PCDHA2: variants seen among roughly 807,000 people sequenced by gnomAD.
PCDHA2 encodes the protein protocadherin alpha 2.
PCDHA2 carries 58 observed loss-of-function variants against 66.0 expected under a neutral mutation model. That is an observed-to-expected ratio of 0.88 (90% confidence interval 0.71 to 1.09). PCDHA2 has a LOEUF of 1.09. Ranked by LOEUF, PCDHA2 falls within the 50% of genes least tolerant of loss-of-function variation. The pLI is 0.00. For synonymous variants in PCDHA2, 634 were observed against 554.0 expected, an observed-to-expected ratio of 1.14 and a Z score of -2.03; for missense variants, 1,267 against 1,242.3, an observed-to-expected ratio of 1.02 and a Z score of -0.30.
rs1554120167 is a variant in PCDHA2, at chr5:140,796,862, C to T, written c.1898C>T (p.Thr633Met). 2 of 1,614,078 alleles carry T rather than the reference C, an allele frequency of 1.2e-6. No homozygotes were observed. The highest frequency in any genetic ancestry group is 2.2e-5 in the South Asian group (2 of 91,082). The change falls in exon 1 of 4, where the codon ACG becomes ATG. Residue 633 changes from threonine to methionine, a missense_variant. Thr to Met is a moderately conservative substitution (Grantham distance 81). Transcript: ENST00000526136. Reference protein sequence around the residue: ...RVGLYTGEISTTRALDEADSP... With the variant: ...RVGLYTGEISMTRALDEADSP... ...GGGCTATACACGGGTGAGATCAGCACGACACGTGCCCTAGACGAGGCTGAC... is the reference window on the plus strand; with the variant it reads ...GGGCTATACACGGGTGAGATCAGCATGACACGTGCCCTAGACGAGGCTGAC...
rs2150350552 is a variant in PCDHA2 at position 140,843,029 on chromosome 5, G to A, written c.2388+45677G>A. ...CGCGCCGGCACTGCTGGAGCCTCGG[G>A]TGGGTGGCACTGGTGGCGCAGCGAG... On this transcript the variant is annotated intron_variant, in intron 1 of 3. Coordinates refer to ENST00000526136, the MANE Select transcript of PCDHA2 (RefSeq NM_018905.3). 4.4e-6 allele frequency: 7 copies of A among 1,595,258 alleles called. 1 individual carries two copies. Among genetic ancestry groups the A allele is most frequent in the Middle Eastern group, 1.7e-4 (1 of 5,902 alleles).
At chr5:140,863,093 C>T (rs1204907629) in intron 1 of PCDHA2, 2 of 576,488 alleles carry the variant, frequency 3.5e-6, no homozygotes, top group Middle Eastern at 2.9e-4. Flanking sequence ...ATCAGCACGA[C>T]GAGTACCCTG....
chr5:141,009,880 C>T lies in PCDHA2; in HGVS notation c.2790C>T (p.Asn930=). ...AAAAGAAGAAAAAGAAGAAGGGTAACAAGACCCAGGAGAAAAAAGAGAAAG... is the reference window on the plus strand; with the variant it reads ...AAAAGAAGAAAAAGAAGAAGGGTAATAAGACCCAGGAGAAAAAAGAGAAAG... The part of the protein sequence containing the change: ...TKKKKKKKKG[N]KTQEKKEKGN... Residue 930 remains asparagine, a synonymous_variant, in exon 4 of 4, where the codon AAC becomes AAT. Transcript: ENST00000526136. 1 of 1,613,788 alleles carries T rather than the reference C, an allele frequency of 6.2e-7. No individual in the cohort carries two copies. The highest frequency in any genetic ancestry group is 8.5e-7 in the Non-Finnish European group (1 of 1,179,974).
At chr5:140,925,641 T>TATAATA (rs10569930) in intron 1 of PCDHA2, among the ~76,000 whole-genome samples, 37,208 of 143,074 alleles carry the variant, frequency 0.26, 4,933 homozygotes, top group Middle Eastern at 0.29. Context: ...GAACTTAAAG[T>TATAATA]ATAATAATAA....
intron 1 of PCDHA2, chr5:140,858,119 C>T (rs1444406371): frequency 4.4e-6 from 7 of 1,597,808 alleles, no homozygotes; most frequent in South Asian, 1.1e-5. Flanking sequence ...CGAGGTGGCC[C>T]TGGTGGATGT....
At chr5:140,871,254 T>A in intron 1 of PCDHA2, 1 of 1,613,952 alleles carries the variant, frequency 6.2e-7, no homozygotes, top group Non-Finnish European at 8.5e-7. Context: ...TGCTGCTGTA[T>A]ACGGCGCTGT....
At chr5:140,971,366 G>A (rs1554233245) in intron 1 of PCDHA2, among the ~76,000 whole-genome samples, 1 of 152,186 alleles carries the variant, frequency 6.6e-6, no homozygotes, top group Non-Finnish European at 1.5e-5. Flanking sequence ...TTTGCCAGGA[G>A]AGTGCATGAC....
chr5:140,884,308 G>T, intron 1 of PCDHA2: 1 of 1,613,766 alleles, frequency 6.2e-7, no homozygotes. Flanking sequence ...AGGCTTCGTC[G>T]AGGGCGTCGG....
chr5:140,925,033 C>G (rs1176042899), intron 1 of PCDHA2, among the ~76,000 whole-genome samples: 1 of 151,334 alleles, frequency 6.6e-6, no homozygotes, highest in Non-Finnish European at 1.5e-5. Flanking sequence ...ATCGCTTGAG[C>G]CCAGAAGTTT....
At chr5:140,903,313 C>G (rs974760383) in intron 1 of PCDHA2, among the ~76,000 whole-genome samples, 2 of 152,088 alleles carry the variant, frequency 1.3e-5, no homozygotes, top group South Asian at 4.1e-4. Context: ...ACAATAAAGA[C>G]AGCATTTTTA....
chr5:141,010,282 A>C lies in PCDHA2; in HGVS notation c.*345A>C, dbSNP rs375556483. The C allele has an allele frequency of 6.4e-7, 1 of 1,551,130 alleles. No homozygotes were observed. Among genetic ancestry groups the C allele is most frequent in the Admixed American group, 2.0e-5 (1 of 50,878 alleles). On this transcript the variant is annotated 3_prime_UTR_variant, in exon 4 of 4. Transcript: ENST00000526136. ...GTGCTCCGGGGATCCTGTCTTGATGACACTTGCAGGGCAGGCTGAAAAGTT... is the reference window on the plus strand; with the variant it reads ...GTGCTCCGGGGATCCTGTCTTGATGCCACTTGCAGGGCAGGCTGAAAAGTT...
At chr5:140,911,202 A>C (rs1554194649) in intron 1 of PCDHA2, among the ~76,000 whole-genome samples, 1 of 152,184 alleles carries the variant, frequency 6.6e-6, no homozygotes. Flanking sequence ...ACATGTTGCC[A>C]CTACTGGGGA....
At chr5:140,875,685 C>G (rs563250653) in intron 1 of PCDHA2, 1 of 1,613,816 alleles carries the variant, frequency 6.2e-7, no homozygotes. Context: ...CCAAAAGACA[C>G]GGGGACCTTC....
intron 1 of PCDHA2, chr5:140,830,640 C>T (rs1455236504): frequency 8.1e-6 from 4 of 493,148 alleles, no homozygotes; most frequent in African/African-American, 4.1e-5. Flanking sequence ...AATCTCTTTG[C>T]TTCTTTAATA....
intron 1 of PCDHA2, among the ~76,000 whole-genome samples, chr5:140,818,849 T>C (rs1027189505): frequency 6.6e-6 from 1 of 152,196 alleles, no homozygotes; most frequent in Non-Finnish European, 1.5e-5. Context: ...TAGAATCAAC[T>C]ATAGGTAGAG....
chr5:140,915,542 G>T (rs1253663657), intron 1 of PCDHA2, among the ~76,000 whole-genome samples: 2 of 152,030 alleles, frequency 1.3e-5, no homozygotes, highest in Admixed American at 6.6e-5. Context: ...TGGAGGTCTT[G>T]AATAAGATCC....
Position 140,794,972 on chromosome 5 carries a change from C to A in PCDHA2, c.8C>A (p.Ser3Tyr), listed in dbSNP as rs1554119211. 6.2e-7 allele frequency: 1 copy of A among 1,608,314 alleles called. No homozygotes were observed. The highest frequency in any genetic ancestry group is 8.5e-7 in the Non-Finnish European group (1 of 1,177,594). Residue 3 changes from serine to tyrosine, a missense_variant, in exon 1 of 4, where the codon TCT becomes TAT. Transcript: ENST00000526136. MA[S>Y]SIRRGRGAWT... Reference sequence around the variant, plus strand: ...AAACATTGAGGATTGGTAATGGCGTCTTCTATCAGAAGGGGCCGAGGGGCC... The same window carrying A: ...AAACATTGAGGATTGGTAATGGCGTATTCTATCAGAAGGGGCCGAGGGGCC...
At chr5:140,862,599 G>A (rs2047441695) in intron 1 of PCDHA2, 1 of 513,082 alleles carries the variant, frequency 1.9e-6, no homozygotes, top group East Asian at 5.2e-5. Context: ...AGTACATGGT[G>A]TTCGTGAAAG....
At chr5:140,803,518 C>T in intron 1 of PCDHA2, 1 of 1,614,240 alleles carries the variant, frequency 6.2e-7, no homozygotes, top group African/African-American at 1.3e-5. Flanking sequence ...GCTTTTAGCC[C>T]TAGCCTTCCT....
Sources: gnomAD v4.1 joint callset for allele counts (sites outside exome capture counted in the v4.1 genomes callset) on GRCh38, gnomAD v4.1.1 for gene constraint, MANE v1.5 for transcripts, NCBI Gene and HGNC (gene_info 2026-07-23, HGNC 2026-07-21) for gene names.